Variants in KIAA0232 observed in about 807,000 individuals in gnomAD.
The protein encoded by KIAA0232 is uncharacterized protein KIAA0232.
A neutral mutation model predicts 122.0 loss-of-function variants in KIAA0232; 27 were observed. The ratio of observed to expected loss-of-function variants is 0.22; its 90% CI spans 0.16 to 0.31. The LOEUF is 0.31. KIAA0232 is among the 10% of genes least tolerant of loss of function. KIAA0232 has a pLI of 1.00. For synonymous variants in KIAA0232, 613 were observed against 587.6 expected (o/e 1.04, Z -0.63); for missense variants, 1,551 against 1,634.2 (o/e 0.95, Z 0.88).
chr4:6,862,251 C>G lies in KIAA0232; in HGVS notation c.1869C>G (p.Leu623=). 1 of 1,614,120 alleles carries G rather than the reference C, an allele frequency of 6.2e-7. No individual in the cohort carries two copies. Among genetic ancestry groups the G allele is most frequent in the South Asian group, 1.1e-5 (1 of 91,076 alleles). ...CTCCCATCTTAGACAGCACAGTGCT[C>G]AATTCACACCTGCTTGCTGGCAATC... ...RLSPILDSTV[L]NSHLLAGNQE... The change falls in exon 7 of 10, where the codon CTC becomes CTG. Residue 623 remains leucine, a synonymous_variant. Transcript: ENST00000307659.
intron 1 of KIAA0232, among the ~76,000 whole-genome samples, chr4:6,789,564 G>T (rs996653025): frequency 6.6e-6 from 1 of 152,136 alleles, no homozygotes; most frequent in Non-Finnish European, 1.5e-5. Context: ...GAGCCACCGT[G>T]CCTGGCCAGT....
At chr4:6,834,131 G>A (rs567730396) in intron 3 of KIAA0232, among the ~76,000 whole-genome samples, 16 of 152,042 alleles carry the variant, frequency 1.1e-4, no homozygotes, top group Admixed American at 7.9e-4. Context: ...TCTTGCTTTC[G>A]CCCAGGCTGG....
intron 7 of KIAA0232, among the ~76,000 whole-genome samples, chr4:6,868,808 C>T (rs1721316046): frequency 6.6e-6 from 1 of 152,128 alleles, no homozygotes; most frequent in Admixed American, 6.5e-5. Context: ...ATGCATATTC[C>T]TTGAATATGT....
rs1186560181 is a variant in KIAA0232, at chr4:6,804,598, A to G, written c.-278A>G. On this transcript the variant is annotated 5_prime_UTR_variant, in exon 2 of 10. Transcript: ENST00000307659. ...GTTCCGGAGAATGCGTTGAGAATGA[A>G]GACAACCAGTAAGTCCCTAAGTGTA... 1 of 152,238 alleles carries G rather than the reference A, an allele frequency of 6.6e-6. No individual in the cohort carries two copies. Among genetic ancestry groups the G allele is most frequent in the East Asian group, 1.9e-4 (1 of 5,208 alleles). The allele number at this position is 152,238 out of a possible 1,614,324, so 9.4% of individuals were successfully genotyped here.
intron 1 of KIAA0232, among the ~76,000 whole-genome samples, chr4:6,800,064 T>TTTTTTTTTTTTTTTTTTTTTC (rs1560163422): frequency 1.8e-5 from 1 of 55,654 alleles, no homozygotes; most frequent in Non-Finnish European, 3.4e-5. Context: ...TTTTTTTTTT[T>TTTTTTTTTTTTTTTTTTTTTC]TTTTTTTTTT....
chr4:6,863,530 C>G lies in KIAA0232; in HGVS notation c.3148C>G (p.Gln1050Glu), dbSNP rs780290671. ...CTTTGACTTAAGCAATCCATTTTCA[C>G]AAGTTCTTCATGTAGAATGCTCATT... ...SSFDLSNPFS[Q>E]VLHVECSFEP... Residue 1050 changes from glutamine (Q) to glutamate (E), a missense_variant, in exon 7 of 10, where the codon CAA becomes GAA. Coordinates refer to ENST00000307659, the MANE Select transcript of KIAA0232 (RefSeq NM_014743.3). The G allele has an allele frequency of 3.1e-6, 5 of 1,614,186 alleles. No homozygotes were observed. The East Asian group carries it at 8.9e-5, about 29-fold the overall frequency.
chr4:6,807,860 G>T (rs548108691), intron 2 of KIAA0232, among the ~76,000 whole-genome samples: 24 of 152,282 alleles, frequency 1.6e-4, no homozygotes, highest in Non-Finnish European at 2.5e-4. Context: ...GATCACTTGA[G>T]GTCAGGAGAC....
At chr4:6,791,516 A>C (rs2108874573) in intron 1 of KIAA0232, among the ~76,000 whole-genome samples, 1 of 151,690 alleles carries the variant, frequency 6.6e-6, no homozygotes, top group African/African-American at 2.4e-5. Flanking sequence ...TTTTGTAGAG[A>C]TGGGGTTTTA....
chr4:6,800,076 G>T (rs374650670), intron 1 of KIAA0232, among the ~76,000 whole-genome samples: 1 of 17,402 alleles, frequency 5.7e-5, no homozygotes, highest in Non-Finnish European at 1.4e-4. Flanking sequence ...TTTTTTTTTT[G>T]AGATGGAGTC....
chr4:6,830,023 C>A (rs1473733596), intron 3 of KIAA0232, among the ~76,000 whole-genome samples: 1 of 152,172 alleles, frequency 6.6e-6, no homozygotes, highest in Non-Finnish European at 1.5e-5. Flanking sequence ...ATAATGCATT[C>A]TTTGTTTATT....
chr4:6,863,598 G>T lies in KIAA0232; in HGVS notation c.3216G>T (p.Pro1072=). The T allele has an allele frequency of 1.2e-6, 2 of 1,614,050 alleles. No homozygotes were observed. The highest frequency in any genetic ancestry group is 1.7e-6 in the Non-Finnish European group (2 of 1,180,020). ...CATCTTTCAGCCCCAGTTTTAAACC[G>T]AAATCAATCCTCTGTTCTGATTCAG... ...GIASFSPSFK[P]KSILCSDSDS... The change falls in exon 7 of 10, where the codon CCG becomes CCT. Residue 1072 remains proline (P), a synonymous_variant. Transcript: ENST00000307659.
intron 7 of KIAA0232, among the ~76,000 whole-genome samples, chr4:6,868,031 G>A (rs1721276894): frequency 6.6e-6 from 1 of 152,096 alleles, no homozygotes; most frequent in Non-Finnish European, 1.5e-5. Flanking sequence ...TGCTTTTCCT[G>A]GTGTGACCCA....
chr4:6,855,405 T>C lies in KIAA0232; in HGVS notation c.370-1759T>C, dbSNP rs536413058. 4.6e-5 allele frequency among the ~76,000 whole-genome samples: 7 copies of C among 152,158 alleles called. No individual in the cohort carries two copies. Among genetic ancestry groups the C allele is most frequent in the Admixed American group, 1.3e-4 (2 of 15,276 alleles). ...GCCCAGCTGATTTTTTAAAAAAATA[T>C]ATAAGATGCTACAGGTAGTCAAGAA... On this transcript the variant is annotated intron_variant, in intron 4 of 9. Coordinates refer to ENST00000307659, the MANE Select transcript of KIAA0232 (RefSeq NM_014743.3). The surrounding 1 kb of genome is among the most constrained non-coding windows in gnomAD (Gnocchi z 4.3).
intron 2 of KIAA0232, among the ~76,000 whole-genome samples, chr4:6,816,731 C>G (rs924469237): frequency 3.3e-5 from 5 of 152,160 alleles, no homozygotes; most frequent in African/African-American, 1.2e-4. Context: ...CTATATGGGC[C>G]TAGCAATTTC....
At chr4:6,789,390 C>T (rs772885902) in intron 1 of KIAA0232, among the ~76,000 whole-genome samples, 16 of 151,476 alleles carry the variant, frequency 1.1e-4, no homozygotes, top group Admixed American at 4.6e-4. Flanking sequence ...TCTCCTGCCT[C>T]AGACTCCCCA....
chr4:6,870,661 G>T (rs1577416709), intron 7 of KIAA0232, among the ~76,000 whole-genome samples: 2 of 152,212 alleles, frequency 1.3e-5, no homozygotes, highest in African/African-American at 4.8e-5. Flanking sequence ...AAATTAGCCG[G>T]GGTGGTGGTA....
chr4:6,835,835 A>G (rs947623445), intron 3 of KIAA0232, among the ~76,000 whole-genome samples: 2 of 152,172 alleles, frequency 1.3e-5, no homozygotes, highest in Admixed American at 1.3e-4. Context: ...TCCATGGTGT[A>G]TATGTGCCAC....
intron 2 of KIAA0232, 150 bp from the exon 3 acceptor site, chr4:6,824,035 T>C (rs1343762470): frequency 8.6e-6 from 3 of 348,856 alleles, no homozygotes; most frequent in Non-Finnish European, 1.5e-5. Context: ...GTTTAAAATA[T>C]CAAAGATGAT....
At chr4:6,827,819 T>G (rs931868103) in intron 3 of KIAA0232, among the ~76,000 whole-genome samples, 2 of 152,190 alleles carry the variant, frequency 1.3e-5, no homozygotes, top group Non-Finnish European at 2.9e-5. Context: ...AACCACTGCC[T>G]TGTAATATGG....
Sources: allele counts gnomAD v4.1 joint callset (sites outside exome capture counted in the v4.1 genomes callset), GRCh38; gene constraint gnomAD v4.1.1; non-coding constraint Gnocchi (gnomAD v3.1); transcripts MANE v1.5; gene names NCBI Gene and HGNC (gene_info 2026-07-23, HGNC 2026-07-21).